The following PUDP variants were observed in gnomAD, a reference collection of about 807,000 sequenced individuals.
PUDP encodes the protein pseudouridine-5'-phosphatase.
Under a neutral mutation model 9.4 loss-of-function variants are expected in PUDP, and 8 were observed. The ratio of observed to expected loss-of-function variants is 0.85; its 90% CI spans 0.50 to 1.53. The LOEUF is 1.53. PUDP is among the 40% of genes most tolerant of loss of function. The pLI, the probability that PUDP is intolerant of heterozygous loss-of-function variation, is 0.00. For synonymous variants in PUDP, 99 were observed against 80.7 expected (o/e 1.23, Z -1.22); for missense variants, 188 against 189.7 (o/e 0.99, Z 0.05).
chrX:6,736,731 C>G (rs1347749433), intron 3 of PUDP, among the ~76,000 whole-genome samples: 1 of 111,227 alleles, frequency 9.0e-6, no homozygotes, highest in Non-Finnish European at 1.9e-5. Context: ...GGCCATGATC[C>G]TAAGTGAAGT....
At chrX:7,111,086 T>C (rs1458200220) in intron 1 of PUDP, among the ~76,000 whole-genome samples, 1 of 110,737 alleles carries the variant, frequency 9.0e-6, no homozygotes, top group African/African-American at 3.3e-5. Flanking sequence ...CTCGTGATAG[T>C]GAGATCTGAA....
At chrX:6,828,894 T>G (rs931213186) in intron 3 of PUDP, among the ~76,000 whole-genome samples, 1 of 111,260 alleles carries the variant, frequency 9.0e-6, no homozygotes, top group Non-Finnish European at 1.9e-5. Context: ...TGTTGAACAA[T>G]ATTTCATTTT....
intron 2 of PUDP, among the ~76,000 whole-genome samples, chrX:7,081,449 G>A (rs773954841): frequency 1.8e-5 from 2 of 112,232 alleles, no homozygotes; most frequent in African/African-American, 3.2e-5. Context: ...CACTGTACCC[G>A]GCCGATTATT....
At chrX:7,137,479 G>A (rs1212985886) in intron 1 of PUDP, among the ~76,000 whole-genome samples, 3 of 110,955 alleles carry the variant, frequency 2.7e-5, no homozygotes, top group African/African-American at 6.6e-5. Flanking sequence ...CCTGGGAGGC[G>A]GAGCTTGCAG....
chrX:7,001,659 C>T (rs1487760983), intron 1 of PUDP, among the ~76,000 whole-genome samples: 1 of 111,313 alleles, frequency 9.0e-6, no homozygotes, highest in Non-Finnish European at 1.9e-5. Context: ...ATCAGAGAAA[C>T]AGACTTAAGT....
chrX:7,096,345 C>T (rs1237315998), intron 2 of PUDP, among the ~76,000 whole-genome samples: 1 of 111,520 alleles, frequency 9.0e-6, no homozygotes, highest in Non-Finnish European at 1.9e-5. Flanking sequence ...GAGCATATCT[C>T]TGTGTGCCTG....
chrX:7,029,797 T>C (rs1425938227), intron 1 of PUDP, among the ~76,000 whole-genome samples: 2 of 111,951 alleles, frequency 1.8e-5, no homozygotes, highest in Non-Finnish European at 3.8e-5. Flanking sequence ...CCAACACTCA[T>C]TGGCTGGAGG....
chrX:7,111,076 C>A (rs1569162719), intron 1 of PUDP, among the ~76,000 whole-genome samples: 1 of 110,907 alleles, frequency 9.0e-6, no homozygotes, highest in East Asian at 2.8e-4. Flanking sequence ...CCATGCTGTT[C>A]TCGTGATAGT....
At chrX:7,130,612 G>C (rs187648649) in intron 1 of PUDP, among the ~76,000 whole-genome samples, 1 of 111,088 alleles carries the variant, frequency 9.0e-6, no homozygotes, top group African/African-American at 3.3e-5. Flanking sequence ...CCAGGAGTTT[G>C]AGACCAGCTT....
chrX:6,744,189 A>G (rs1458310536), intron 3 of PUDP, among the ~76,000 whole-genome samples: 1 of 112,348 alleles, frequency 8.9e-6, no homozygotes, highest in Non-Finnish European at 1.9e-5. Flanking sequence ...CCCTTAAAAC[A>G]TTCCTAAAAA....
chrX:6,828,907 G>A (rs999489587), intron 3 of PUDP, among the ~76,000 whole-genome samples: 11 of 110,512 alleles, frequency 1.0e-4, no homozygotes, highest in African/African-American at 3.6e-4. Context: ...TTCATTTTTG[G>A]TTGTATCACA....
chrX:6,715,767 C>A (rs780548235), intron 1 of PUDP, among the ~76,000 whole-genome samples: 1 of 111,244 alleles, frequency 9.0e-6, no homozygotes, highest in Admixed American at 9.6e-5. Flanking sequence ...ACGTAGCAGC[C>A]CTGGGGTTCC....
intron 3 of PUDP, among the ~76,000 whole-genome samples, chrX:7,056,350 G>A (rs1407148802): frequency 8.9e-6 from 1 of 111,927 alleles, no homozygotes; most frequent in Non-Finnish European, 1.9e-5. Flanking sequence ...ACTGGGGTTT[G>A]GTCCAGGGGA....
chrX:6,867,814 G>A (rs898315463), intron 3 of PUDP, among the ~76,000 whole-genome samples: 1 of 111,542 alleles, frequency 9.0e-6, no homozygotes, highest in African/African-American at 3.3e-5. Context: ...TTTGGCTTAT[G>A]GTTCTGGAGA....
chrX:7,075,210 C>G (rs952188621), intron 3 of PUDP, among the ~76,000 whole-genome samples: 1 of 111,865 alleles, frequency 8.9e-6, no homozygotes, highest in African/African-American at 3.3e-5. Context: ...ACCAAATATG[C>G]GATTAGAAGA....
At chrX:6,880,033 A>C (rs748232261) in intron 3 of PUDP, among the ~76,000 whole-genome samples, 13 of 111,540 alleles carry the variant, frequency 1.2e-4, no homozygotes, top group Non-Finnish European at 2.3e-4. Context: ...AAGACTACTC[A>C]AAGGACTGTC....
chrX:6,822,996 C>A (rs1326885514), intron 3 of PUDP, among the ~76,000 whole-genome samples: 1 of 111,011 alleles, frequency 9.0e-6, no homozygotes, highest in Non-Finnish European at 1.9e-5. Flanking sequence ...TTTTAAGGGG[C>A]CTCAGGCATG....
At chrX:6,935,916 C>G (rs1277709284) in intron 3 of PUDP, among the ~76,000 whole-genome samples, 3 of 93,865 alleles carry the variant, frequency 3.2e-5, no homozygotes, top group Admixed American at 2.4e-4. Context: ...CACATACACT[C>G]TCCCAAGACT....
intron 1 of PUDP, among the ~76,000 whole-genome samples, chrX:7,126,323 C>T (rs1932485994): frequency 9.0e-6 from 1 of 111,239 alleles, no homozygotes; most frequent in African/African-American, 3.3e-5. Context: ...ACTGAACAGA[C>T]CTGGGCCATT....
Sources: allele counts gnomAD v4.1 joint callset (sites outside exome capture counted in the v4.1 genomes callset), GRCh38; gene constraint gnomAD v4.1.1; transcripts MANE v1.5; gene names NCBI Gene and HGNC (gene_info 2026-07-23, HGNC 2026-07-21).